The following PCDH15 variants were observed in gnomAD, a reference collection of about 807,000 sequenced individuals.
The protein encoded by PCDH15 is protocadherin related 15, also known as protocadherin-15.
PCDH15 carries 129 observed loss-of-function variants against 178.5 expected under a neutral mutation model. The observed-to-expected ratio is 0.72, with a 90% CI of 0.63 to 0.84. The LOEUF is 0.84. Among genes scored for constraint, PCDH15 ranks in the 40% least tolerant of loss-of-function variants. The probability of loss-of-function intolerance (pLI) is 0.00; values close to 1 mark genes in which losing one functional copy is unlikely to be tolerated. For synonymous variants in PCDH15, 800 were observed against 732.0 expected, an observed-to-expected ratio of 1.09 and a Z score of -1.50; for missense variants, 2,230 against 2,099.9, an observed-to-expected ratio of 1.06 and a Z score of -1.21.
At chr10:54,716,445 G>T (rs568501862) in intron 1 of PCDH15, among the ~76,000 whole-genome samples, 36 of 152,220 alleles carry the variant, frequency 2.4e-4, no homozygotes, top group Non-Finnish European at 4.4e-4. Flanking sequence ...TTGAGCAGTG[G>T]TTTGTAGTTC....
At chr10:55,309,295 C>T (rs953334806) in intron 1 of PCDH15, among the ~76,000 whole-genome samples, 3 of 152,068 alleles carry the variant, frequency 2.0e-5, no homozygotes, top group Admixed American at 2.0e-4. Flanking sequence ...ACAGGAGAAT[C>T]GCTGGAAGCC....
At chr10:54,098,078 C>T (rs1453906465) in intron 15 of PCDH15, among the ~76,000 whole-genome samples, 1 of 152,016 alleles carries the variant, frequency 6.6e-6, no homozygotes, top group African/African-American at 2.4e-5. Flanking sequence ...ACTGAATTTA[C>T]AGTAAAACAA....
chr10:55,227,536 T>G (rs1841086246), intron 1 of PCDH15, among the ~76,000 whole-genome samples: 1 of 152,114 alleles, frequency 6.6e-6, no homozygotes, highest in Non-Finnish European at 1.5e-5. Flanking sequence ...AGCAGAAGGA[T>G]GCAAGGTGCC....
intron 2 of PCDH15, among the ~76,000 whole-genome samples, chr10:55,518,401 C>G (rs1841072207): frequency 6.6e-6 from 1 of 152,072 alleles, no homozygotes; most frequent in African/African-American, 2.4e-5. Context: ...TCATCTCAGA[C>G]AAACACCGCC....
chr10:54,137,324 G>C (rs1438830049), intron 14 of PCDH15, among the ~76,000 whole-genome samples: 1 of 151,926 alleles, frequency 6.6e-6, no homozygotes, highest in Non-Finnish European at 1.5e-5. Context: ...ATCTCATAAA[G>C]CTTTATTATA....
chr10:54,566,604 C>T (rs940802041), intron 2 of PCDH15, among the ~76,000 whole-genome samples: 2 of 152,102 alleles, frequency 1.3e-5, no homozygotes, highest in Non-Finnish European at 2.9e-5. Context: ...ACAGCCTTGT[C>T]ATATTGCCTT....
chr10:55,185,968 T>C (rs568117123), intron 1 of PCDH15, among the ~76,000 whole-genome samples: 1 of 151,882 alleles, frequency 6.6e-6, no homozygotes, highest in African/African-American at 2.4e-5. Flanking sequence ...CTGTTTATCC[T>C]CTATGTATTA....
chr10:54,245,999 G>GA (rs1178919229), intron 8 of PCDH15, among the ~76,000 whole-genome samples: 1 of 151,462 alleles, frequency 6.6e-6, no homozygotes, highest in Non-Finnish European at 1.5e-5. Context: ...TAAATTCCAG[G>GA]AAAAAAATTG....
At chr10:53,847,316 G>A (rs531575778) in intron 28 of PCDH15, among the ~76,000 whole-genome samples, 1 of 152,000 alleles carries the variant, frequency 6.6e-6, no homozygotes, top group Admixed American at 6.6e-5. Context: ...GCATCATAGA[G>A]AGTTCCACCC....
intron 29 of PCDH15, 108 bp from the exon 30 acceptor site, chr10:53,831,641 A>C (rs896238133): frequency 2.6e-6 from 2 of 783,482 alleles, no homozygotes; most frequent in Non-Finnish European, 4.1e-6. Context: ...ATTGAAACAC[A>C]AGCTGAGTCA....
intron 2 of PCDH15, among the ~76,000 whole-genome samples, chr10:55,045,222 T>C (rs895537988): frequency 6.6e-6 from 1 of 152,084 alleles, no homozygotes; most frequent in Admixed American, 6.6e-5. Flanking sequence ...GATCTTTACA[T>C]TTCCTTTGTA....
chr10:54,856,999 C>A (rs1455557175), intron 3 of PCDH15, among the ~76,000 whole-genome samples: 1 of 151,992 alleles, frequency 6.6e-6, no homozygotes, highest in Non-Finnish European at 1.5e-5. Context: ...ATCCTTAAAT[C>A]TGAAAAATGC....
chr10:54,009,500 C>A (rs868680216), intron 20 of PCDH15, among the ~76,000 whole-genome samples: 1 of 152,066 alleles, frequency 6.6e-6, no homozygotes, highest in South Asian at 2.1e-4. Context: ...AAAAAGACAG[C>A]GAAAGAGGTG....
chr10:55,385,693 C>CTATATATATATATATATATATATATA (rs57143868), intron 2 of PCDH15, among the ~76,000 whole-genome samples: 25 of 128,726 alleles, frequency 1.9e-4, no homozygotes, highest in African/African-American at 6.7e-4. Flanking sequence ...CTTCCTCTGC[C>CTATATATATATATATATATATATATA]TATATATATA....
At chr10:54,055,938 C>A (rs758523972) in intron 18 of PCDH15, among the ~76,000 whole-genome samples, 1 of 152,186 alleles carries the variant, frequency 6.6e-6, no homozygotes, top group South Asian at 2.1e-4. Context: ...CCATGTTGAA[C>A]TATGCATCAT....
chr10:55,313,372 AT>A (rs1298720227), intron 1 of PCDH15, among the ~76,000 whole-genome samples: 1 of 152,190 alleles, frequency 6.6e-6, no homozygotes, highest in Non-Finnish European at 1.5e-5. Context: ...ATTCTTATAC[AT>A]TTTTTAGAAT....
intron 2 of PCDH15, among the ~76,000 whole-genome samples, chr10:55,073,626 G>T (rs1476764270): frequency 1.3e-5 from 2 of 152,084 alleles, no homozygotes; most frequent in Non-Finnish European, 2.9e-5. Context: ...TTGTGCCTTT[G>T]TCTGGTTTTG....
chr10:55,081,635 C>T (rs2132026191), intron 2 of PCDH15, among the ~76,000 whole-genome samples: 1 of 152,258 alleles, frequency 6.6e-6, no homozygotes, highest in South Asian at 2.1e-4. Flanking sequence ...AGAGAGCTCC[C>T]TTGCCCTTTC....
At chr10:55,161,065 T>C (rs921754479) in intron 2 of PCDH15, among the ~76,000 whole-genome samples, 23 of 152,110 alleles carry the variant, frequency 1.5e-4, no homozygotes, top group African/African-American at 5.6e-4. Flanking sequence ...TCACTCCCAG[T>C]AGACCATAGA....
Sources: gnomAD v4.1 joint callset for allele counts (sites outside exome capture counted in the v4.1 genomes callset) on GRCh38, gnomAD v4.1.1 for gene constraint, MANE v1.5 for transcripts, NCBI Gene and HGNC (gene_info 2026-07-23, HGNC 2026-07-21) for gene names.